Variants in PTPRD observed in about 807,000 individuals in gnomAD.
PTPRD encodes receptor-type tyrosine-protein phosphatase delta.
In PTPRD, 34 loss-of-function variants were observed where a neutral mutation model predicts 214.5. The ratio of observed to expected loss-of-function variants is 0.16; its 90% CI spans 0.12 to 0.21. PTPRD has a LOEUF of 0.21. PTPRD is among the 10% of genes least tolerant of loss of function. PTPRD has a pLI of 1.00. For synonymous variants in PTPRD, 1,128 were observed against 845.7 expected, an observed-to-expected ratio of 1.33 and a Z score of -5.79; for missense variants, 2,545 against 2,398.7, an observed-to-expected ratio of 1.06 and a Z score of -1.27.
At chr9:10,402,675 C>T (rs1052451788) in intron 2 of PTPRD, among the ~76,000 whole-genome samples, 2 of 151,754 alleles carry the variant, frequency 1.3e-5, no homozygotes, top group East Asian at 2.0e-4. Flanking sequence ...AAATGAAATA[C>T]CTTAGTTGTT....
chr9:9,883,836 G>A (rs2069727822), intron 5 of PTPRD, among the ~76,000 whole-genome samples: 1 of 152,092 alleles, frequency 6.6e-6, no homozygotes, highest in African/African-American at 2.4e-5. Context: ...AACAACTGAA[G>A]TAGAACTGTA....
intron 11 of PTPRD, among the ~76,000 whole-genome samples, chr9:8,947,029 C>CTTTTTTTTTTTTT: frequency 8.3e-6 from 1 of 121,004 alleles, no homozygotes; most frequent in Non-Finnish European, 1.7e-5. Flanking sequence ...TTTTTCTTTT[C>CTTTTTTTTTTTTT]TTTTTTTTTT....
At chr9:9,700,185 G>A (rs1013132277) in intron 7 of PTPRD, among the ~76,000 whole-genome samples, 1 of 151,950 alleles carries the variant, frequency 6.6e-6, no homozygotes, top group Admixed American at 6.6e-5. Context: ...TCATCATTTT[G>A]TTGTAGTACT....
At chr9:8,899,340 T>C (rs1315903200) in intron 11 of PTPRD, among the ~76,000 whole-genome samples, 1 of 152,164 alleles carries the variant, frequency 6.6e-6, no homozygotes, top group African/African-American at 2.4e-5. Context: ...TGTGTTCCCG[T>C]ATTTTTAAAA....
intron 2 of PTPRD, among the ~76,000 whole-genome samples, chr9:10,452,391 G>T (rs1264576557): frequency 3.3e-5 from 5 of 151,234 alleles, no homozygotes; most frequent in Non-Finnish European, 7.4e-5. Flanking sequence ...TTTTTTTGAA[G>T]ATCATTCATA....
At chr9:9,466,798 A>C (rs926401368) in intron 8 of PTPRD, among the ~76,000 whole-genome samples, 4 of 152,132 alleles carry the variant, frequency 2.6e-5, no homozygotes, top group Non-Finnish European at 5.9e-5. Flanking sequence ...TACTAATTTT[A>C]ATTGCTACAA....
At chr9:9,226,458 T>C (rs2133622946) in intron 9 of PTPRD, among the ~76,000 whole-genome samples, 1 of 152,100 alleles carries the variant, frequency 6.6e-6, no homozygotes, top group South Asian at 2.1e-4. Flanking sequence ...GTCAGGATGA[T>C]AAAACTCAGC....
At chr9:8,680,031 G>A (rs1045640545) in intron 12 of PTPRD, among the ~76,000 whole-genome samples, 1 of 152,108 alleles carries the variant, frequency 6.6e-6, no homozygotes, top group Admixed American at 6.5e-5. Context: ...GAGATTAAAT[G>A]TAATATTGAA....
intron 5 of PTPRD, among the ~76,000 whole-genome samples, chr9:9,789,482 G>C (rs1221978444): frequency 6.6e-6 from 1 of 152,070 alleles, no homozygotes; most frequent in Non-Finnish European, 1.5e-5. Context: ...GGAGATAATC[G>C]ACATATTCCC....
chr9:9,008,886 A>C (rs1013512172), intron 11 of PTPRD, among the ~76,000 whole-genome samples: 4 of 152,192 alleles, frequency 2.6e-5, no homozygotes, highest in Non-Finnish European at 5.9e-5. Context: ...CAGGTAAAGC[A>C]TAAGGACAAT....
chr9:9,451,974 G>A (rs968089739), intron 8 of PTPRD, among the ~76,000 whole-genome samples: 1 of 151,126 alleles, frequency 6.6e-6, no homozygotes, highest in Non-Finnish European at 1.5e-5. Context: ...GAAAGAGATA[G>A]CAAAAAGAAT....
intron 14 of PTPRD, among the ~76,000 whole-genome samples, chr9:8,594,590 G>A (rs1469993729): frequency 1.3e-5 from 2 of 152,088 alleles, no homozygotes; most frequent in East Asian, 1.9e-4. Flanking sequence ...CATGGGGGCA[G>A]TTTCCCCCAT....
At chr9:9,536,611 G>C (rs928136541) in intron 8 of PTPRD, among the ~76,000 whole-genome samples, 6 of 151,926 alleles carry the variant, frequency 3.9e-5, no homozygotes, top group Admixed American at 6.6e-5. Context: ...CTTTGCCCAC[G>C]TCCACAGCCT....
chr9:8,872,149 T>C (rs561225478), intron 11 of PTPRD, among the ~76,000 whole-genome samples: 48 of 152,318 alleles, frequency 3.2e-4, no homozygotes, highest in Non-Finnish European at 5.3e-4. Flanking sequence ...TGTCTCAGCG[T>C]AGCCAAAATA....
At chr9:9,964,762 T>A (rs1369346665) in intron 4 of PTPRD, among the ~76,000 whole-genome samples, 2 of 152,310 alleles carry the variant, frequency 1.3e-5, no homozygotes, top group East Asian at 3.9e-4. Flanking sequence ...TAACTTAGTG[T>A]TCAAAAGTGA....
chr9:8,400,516 T>C (rs1230757154), intron 36 of PTPRD, among the ~76,000 whole-genome samples: 1 of 152,180 alleles, frequency 6.6e-6, no homozygotes, highest in Non-Finnish European at 1.5e-5. Flanking sequence ...TAAAACCTAA[T>C]ATTTATGTTA....
intron 3 of PTPRD, among the ~76,000 whole-genome samples, chr9:10,231,012 C>T (rs1005444754): frequency 1.3e-5 from 2 of 151,842 alleles, no homozygotes; most frequent in Admixed American, 6.6e-5. Context: ...CTTGGGGCTG[C>T]TAGTCATCTA....
At chr9:9,088,576 T>A in intron 10 of PTPRD, among the ~76,000 whole-genome samples, 1 of 49,346 alleles carries the variant, frequency 2.0e-5, no homozygotes, top group Non-Finnish European at 3.4e-5. Flanking sequence ...TGAGACTTAG[T>A]CTCAGAAAAA....
intron 32 of PTPRD, among the ~76,000 whole-genome samples, chr9:8,461,122 T>G (rs2096387351): frequency 6.6e-6 from 1 of 152,100 alleles, no homozygotes; most frequent in African/African-American, 2.4e-5. Context: ...TTAATACTAC[T>G]GCATATTAGT....
Sources: allele counts gnomAD v4.1 joint callset (sites outside exome capture counted in the v4.1 genomes callset), GRCh38; gene constraint gnomAD v4.1.1; transcripts MANE v1.5; gene names NCBI Gene and HGNC (gene_info 2026-07-23, HGNC 2026-07-21).